SLC7A9: variants seen among roughly 807,000 people sequenced by gnomAD.
SLC7A9 encodes solute carrier family 7 member 9.
A neutral mutation model predicts 54.1 loss-of-function variants in SLC7A9; 38 were observed. That is an observed-to-expected ratio of 0.70 (90% CI 0.54 to 0.92). SLC7A9 has a LOEUF of 0.92. Ranked by LOEUF, SLC7A9 falls within the 40% of genes least tolerant of loss-of-function variation. SLC7A9 has a pLI of 0.00. For synonymous variants in SLC7A9, 264 were observed against 258.9 expected, an observed-to-expected ratio of 1.02 and a Z score of -0.19; for missense variants, 537 against 636.1, an observed-to-expected ratio of 0.84 and a Z score of 1.68.
chr19:32,830,709 A>G (rs757785516), intron 12 of SLC7A9, 25 bp from the exon 13 acceptor site: 1 of 1,591,574 alleles, frequency 6.3e-7, no homozygotes, highest in Non-Finnish European at 8.6e-7. Flanking sequence ...AAAAATGAGT[A>G]CAGTTAGTTA....
In SLC7A9 at chr19:32,862,500, C is replaced by G; in HGVS notation, c.565G>C (p.Ala189Pro). 1.2e-6 allele frequency: 2 copies of G among 1,613,504 alleles called. No individual in the cohort carries two copies. Among genetic ancestry groups the G allele is most frequent in the South Asian group, 2.2e-5 (2 of 91,040 alleles). Reference sequence around the variant, plus strand: ...ACCAGCCCGCTGATGATGATGATGGCCACGATCACCAGCTTGGCCGCGGTG... The same window carrying G: ...ACCAGCCCGCTGATGATGATGATGGGCACGATCACCAGCTTGGCCGCGGTG... Reference protein sequence around the residue: ...IFTAAKLVIVAIIIISGLVLL... With the variant: ...IFTAAKLVIVPIIIISGLVLL... The change falls in exon 5 of 13, where the codon GCC becomes CCC. Residue 189 changes from alanine to proline, a missense_variant. Ala to Pro is a conservative substitution (Grantham distance 27). Transcript: ENST00000023064.
chr19:32,859,707 C>T (rs1378112073), intron 8 of SLC7A9, 134 bp downstream of exon 8: 21 of 816,678 alleles, frequency 2.6e-5, no homozygotes, highest in South Asian at 5.8e-5. Flanking sequence ...CCATGCCGTG[C>T]GTGCCCAGTC....
chr19:32,846,503 T>C (rs1326558295), intron 9 of SLC7A9, among the ~76,000 whole-genome samples: 2 of 152,018 alleles, frequency 1.3e-5, no homozygotes, highest in Non-Finnish European at 2.9e-5. Context: ...CTTGATTAGG[T>C]AAACAAAGCA....
At chr19:32,858,574 G>T in intron 8 of SLC7A9, 31 bp from the exon 9 acceptor site, 2 of 1,556,422 alleles carry the variant, frequency 1.3e-6, no homozygotes, top group South Asian at 1.1e-5. Context: ...AGTCCTGAGG[G>T]TCTTTCTTGG....
chr19:32,848,496 A>G (rs182453535), intron 9 of SLC7A9, among the ~76,000 whole-genome samples: 59 of 152,340 alleles, frequency 3.9e-4, no homozygotes, highest in Admixed American at 7.8e-4. Flanking sequence ...TCCTAAATAT[A>G]TATGCACCCA....
At chr19:32,840,872 G>A (rs918952974) in intron 11 of SLC7A9, among the ~76,000 whole-genome samples, 1 of 152,154 alleles carries the variant, frequency 6.6e-6, no homozygotes, top group East Asian at 1.9e-4. Flanking sequence ...CATCCACTTA[G>A]AGTCTGGAGT....
intron 11 of SLC7A9, among the ~76,000 whole-genome samples, chr19:32,833,563 C>T (rs750533756): frequency 2.6e-5 from 4 of 151,946 alleles, no homozygotes; most frequent in East Asian, 3.9e-4. Context: ...TTAGGGAGGC[C>T]GAGGCCGGTG....
chr19:32,861,549 C>T (rs948104060), intron 6 of SLC7A9, among the ~76,000 whole-genome samples: 5 of 152,194 alleles, frequency 3.3e-5, no homozygotes, highest in Non-Finnish European at 7.4e-5. Flanking sequence ...CAGTGGCTCA[C>T]GCCTGTAAAC....
At chr19:32,846,257 C>A (rs1178133177) in intron 9 of SLC7A9, among the ~76,000 whole-genome samples, 1 of 151,100 alleles carries the variant, frequency 6.6e-6, no homozygotes, top group Non-Finnish European at 1.5e-5. Flanking sequence ...TCAGGGAGTT[C>A]CCTTTCCTAG....
chr19:32,860,402 T>C (rs1968763799), intron 7 of SLC7A9: 1 of 1,361,116 alleles, frequency 7.3e-7, no homozygotes, highest in East Asian at 2.6e-5. Context: ...ACTAAAAAAA[T>C]ACAAAAATGA....
chr19:32,857,686 G>A (rs997075206), intron 9 of SLC7A9, among the ~76,000 whole-genome samples: 13 of 152,156 alleles, frequency 8.5e-5, no homozygotes, highest in African/African-American at 3.1e-4. Flanking sequence ...GTTCGAGGAT[G>A]TTCACTGCGG....
rs1307290863 is a variant in SLC7A9 at position 32,864,780 on chromosome 19, G to A, written c.88-4C>T. On this transcript the variant is annotated splice_polypyrimidine_tract_variant and splice_region_variant and intron_variant, in intron 2 of 12. Transcript: ENST00000023064. Reference sequence around the variant, plus strand: ...AGATGCCACTGATGAGGCCCAGCTGGGTGTGGAGGAAGGAAGAGGGCGTTA... The same window carrying A: ...AGATGCCACTGATGAGGCCCAGCTGAGTGTGGAGGAAGGAAGAGGGCGTTA... The A allele has an allele frequency of 2.5e-6, 4 of 1,614,148 alleles. No individual in the cohort carries two copies. In the Admixed American group the frequency reaches 5.0e-5, roughly 20 times the overall value.
intron 9 of SLC7A9, among the ~76,000 whole-genome samples, chr19:32,855,030 C>T (rs1968578162): frequency 6.6e-6 from 1 of 152,140 alleles, no homozygotes; most frequent in Admixed American, 6.5e-5. Flanking sequence ...TCACCACAGC[C>T]AAGACATGGA....
chr19:32,860,507 G>A (rs1968766839), intron 7 of SLC7A9, 99 bp downstream of exon 7: 5 of 1,594,172 alleles, frequency 3.1e-6, no homozygotes, highest in Admixed American at 1.8e-5. Flanking sequence ...CTGTCGGGAA[G>A]GGCATCATGG....
At chr19:32,866,219 C>G (rs1451453706) in intron 2 of SLC7A9, among the ~76,000 whole-genome samples, 1 of 152,156 alleles carries the variant, frequency 6.6e-6, no homozygotes, top group African/African-American at 2.4e-5. Context: ...AGTGGGATCC[C>G]TGGGGAGCAG....
intron 7 of SLC7A9, 39 bp from the exon 8 acceptor site, chr19:32,860,003 A>G (rs1413896308): frequency 1.2e-6 from 2 of 1,613,780 alleles, no homozygotes; most frequent in African/African-American, 1.3e-5. Flanking sequence ...CGTTCAGACC[A>G]CAGCCTCCCG....
intron 9 of SLC7A9, 143 bp from the exon 10 acceptor site, chr19:32,844,094 G>A (rs1247839524): frequency 1.4e-6 from 1 of 702,274 alleles, no homozygotes; most frequent in East Asian, 2.7e-5. Flanking sequence ...GCTTCAGATG[G>A]GGGTCTGTCT....
At chr19:32,862,427 G>A (rs1390703253) in intron 5 of SLC7A9, 34 bp downstream of exon 5, 13 of 1,611,978 alleles carry the variant, frequency 8.1e-6, no homozygotes, top group Non-Finnish European at 1.1e-5. Flanking sequence ...CGTTTGGTGT[G>A]TGCCCGTGCA....
Position 32,859,983 on chromosome 19 carries a change from C to A in SLC7A9, c.750-19G>T. On this transcript the variant is annotated intron_variant, in intron 7 of 12. Coordinates refer to ENST00000023064, the MANE Select transcript of SLC7A9 (RefSeq NM_014270.5). ...CAGGTTTCTGGGAGGGGCAATGACA[C>A]GGAGACCCACGTTCAGACCACAGCC... The A allele has an allele frequency of 6.2e-7, 1 of 1,614,010 alleles. No homozygotes were observed. The highest frequency in any genetic ancestry group is 8.5e-7 in the Non-Finnish European group (1 of 1,179,958).
Sources: gnomAD v4.1 joint callset for allele counts (sites outside exome capture counted in the v4.1 genomes callset) on GRCh38, gnomAD v4.1.1 for gene constraint, MANE v1.5 for transcripts, NCBI Gene and HGNC (gene_info 2026-07-23, HGNC 2026-07-21) for gene names.